CDH12: variants seen among roughly 807,000 people sequenced by gnomAD.
The protein encoded by CDH12 is cadherin 12.
CDH12 carries 41 observed loss-of-function variants against 74.1 expected under a neutral mutation model. The ratio of observed to expected loss-of-function variants is 0.55; its 90% CI spans 0.43 to 0.72. The LOEUF is 0.72. CDH12 is among the 30% of genes least tolerant of loss of function. CDH12 has a pLI of 0.00. For missense variants in CDH12, 945 were observed against 977.2 expected (o/e 0.97, Z 0.44); for synonymous variants, 399 against 355.0 (o/e 1.12, Z -1.39).
intron 4 of CDH12, among the ~76,000 whole-genome samples, chr5:22,178,362 T>G (rs1749454595): frequency 6.6e-6 from 1 of 152,160 alleles, no homozygotes; most frequent in South Asian, 2.1e-4. Flanking sequence ...GGATATCAGA[T>G]ATCCTCAAAA....
At chr5:22,576,068 G>A (rs1160824084) in intron 1 of CDH12, among the ~76,000 whole-genome samples, 1 of 152,020 alleles carries the variant, frequency 6.6e-6, no homozygotes, top group African/African-American at 2.4e-5. Flanking sequence ...ACTTCCCAGA[G>A]GCCCCCAAGG....
intron 1 of CDH12, among the ~76,000 whole-genome samples, chr5:22,819,014 A>G (rs1407875627): frequency 2.0e-5 from 3 of 152,094 alleles, no homozygotes; most frequent in Non-Finnish European, 2.9e-5. Context: ...GTAGTTCAGG[A>G]ACACTGACTG....
chr5:22,168,730 T>G (rs891468072), intron 4 of CDH12, among the ~76,000 whole-genome samples: 3 of 150,994 alleles, frequency 2.0e-5, no homozygotes, highest in African/African-American at 7.3e-5. Flanking sequence ...TCAAATACTG[T>G]TTTGAGTTAT....
intron 3 of CDH12, among the ~76,000 whole-genome samples, chr5:22,342,386 T>C (rs1739891619): frequency 6.6e-6 from 1 of 152,212 alleles, no homozygotes; most frequent in South Asian, 2.1e-4. Context: ...TATTAATACA[T>C]TATTTCTGTC....
chr5:22,117,933 T>C (rs1346916802), intron 4 of CDH12, among the ~76,000 whole-genome samples: 1 of 152,124 alleles, frequency 6.6e-6, no homozygotes, highest in Non-Finnish European at 1.5e-5. Flanking sequence ...AGTGCTATCA[T>C]TACTCCTATT....
intron 3 of CDH12, among the ~76,000 whole-genome samples, chr5:22,346,985 C>A (rs902010403): frequency 2.0e-5 from 3 of 152,156 alleles, no homozygotes; most frequent in Non-Finnish European, 2.9e-5. Context: ...TTGAGTAATA[C>A]AGAAAACCAA....
rs571801874 is a variant in CDH12, at chr5:22,440,956, T to C, written c.-427-35605A>G. Among the ~76,000 whole-genome samples the C allele has an allele frequency of 1.6e-4, 24 of 152,292 alleles. No individual in the cohort carries two copies. In the South Asian group the frequency reaches 4.6e-3, roughly 29 times the overall value. ...TAAAAGTGCCTAGAAAAATATGTTT[T>C]ATTTTGGTGGGAACAACTACATATT... is the stretch of plus-strand genomic sequence containing the variant. On this transcript the variant is annotated intron_variant, in intron 2 of 14. Transcript: ENST00000382254.
Position 22,681,487 on chromosome 5 carries a change from A to G in CDH12, c.-523+171571T>C, listed in dbSNP as rs16898022. Among the ~76,000 whole-genome samples the G allele has an allele frequency of 4.2e-3, 641 of 152,168 alleles. 17 individuals are homozygous for G. The East Asian group carries it at 0.066, about 16-fold the overall frequency. The stretch of plus-strand genomic sequence containing the variant: ...CATTGCATTGCATGCTGGGTGGAAT[A>G]AGGGCTGCAAGATCGGGATCTGTCA... On this transcript the variant is annotated intron_variant, in intron 1 of 14. Coordinates refer to ENST00000382254, the MANE Select transcript of CDH12 (RefSeq NM_004061.5).
At position 22,098,693 on chromosome 5, in the gene CDH12, C is replaced by T. The variant is rs112391327; in HGVS notation, c.-186-19831G>A. 6.6e-3 allele frequency among the ~76,000 whole-genome samples: 999 copies of T among 152,242 alleles called. 6 individuals are homozygous for T. Among genetic ancestry groups the T allele is most frequent in the African/African-American group, 0.023 (955 of 41,548 alleles). ...ATTGTTCCTGGCCCGGACTTCAATC[C>T]GGCCTCCCACATTATTCCTGATACC... is the stretch of plus-strand genomic sequence containing the variant. On this transcript the variant is annotated intron_variant, in intron 4 of 14. Coordinates refer to ENST00000382254, the MANE Select transcript of CDH12 (RefSeq NM_004061.5).
At chr5:22,068,411 AG>A (rs1056332673) in intron 5 of CDH12, among the ~76,000 whole-genome samples, 1 of 152,188 alleles carries the variant, frequency 6.6e-6, no homozygotes, top group African/African-American at 2.4e-5. Flanking sequence ...GCAGTATTAT[AG>A]GCTCTCTGGG....
intron 6 of CDH12, among the ~76,000 whole-genome samples, chr5:21,947,047 C>T (rs1388474041): frequency 6.6e-6 from 1 of 152,204 alleles, no homozygotes; most frequent in Non-Finnish European, 1.5e-5. Flanking sequence ...TAGACACACT[C>T]ATTCTCTCCT....
At chr5:22,277,871 C>T (rs2150404589) in intron 3 of CDH12, 1 of 158,008 alleles carries the variant, frequency 6.3e-6, no homozygotes, top group South Asian at 2.0e-4. Flanking sequence ...ACAAACGAAA[C>T]AATCAACTAA....
intron 3 of CDH12, among the ~76,000 whole-genome samples, chr5:22,242,474 C>G (rs920248733): frequency 1.3e-5 from 2 of 152,064 alleles, no homozygotes; most frequent in Non-Finnish European, 2.9e-5. Flanking sequence ...CATAGCCTTG[C>G]CAAAAGAACA....
intron 1 of CDH12, among the ~76,000 whole-genome samples, chr5:22,770,919 G>A (rs1001414410): frequency 6.6e-6 from 1 of 151,970 alleles, no homozygotes; most frequent in Non-Finnish European, 1.5e-5. Flanking sequence ...ATTCTGTAAG[G>A]GAAATATTTG....
At position 22,322,852 on chromosome 5, in the gene CDH12, T is replaced by C. The variant is rs1432981929; in HGVS notation, c.-333+82405A>G. Reference sequence around the variant, plus strand: ...AGCCCTTGTACAACTGCAAACTCAATTACAGCCTGAATTAATATTTTACAC... The same window carrying C: ...AGCCCTTGTACAACTGCAAACTCAACTACAGCCTGAATTAATATTTTACAC... On this transcript the variant is annotated intron_variant, in intron 3 of 14. Transcript: ENST00000382254. Among the ~76,000 whole-genome samples, 3 of 152,148 alleles carry C rather than the reference T, an allele frequency of 2.0e-5. No homozygotes were observed. In the East Asian group the frequency reaches 5.8e-4, roughly 29 times the overall value.
chr5:22,356,536 C>T (rs1213107581), intron 3 of CDH12, among the ~76,000 whole-genome samples: 1 of 151,988 alleles, frequency 6.6e-6, no homozygotes, highest in Non-Finnish European at 1.5e-5. Context: ...TTTATTAATT[C>T]CCAAAGTGAT....
At chr5:22,689,617 G>GA (rs34889855) in intron 1 of CDH12, among the ~76,000 whole-genome samples, 93,256 of 151,752 alleles carry the variant, frequency 0.61, 29,044 homozygotes, top group African/African-American at 0.69. Context: ...AGTAAAACAG[G>GA]AAAAAAAGGA....
At chr5:22,089,790 G>A (rs1743305599) in intron 4 of CDH12, among the ~76,000 whole-genome samples, 1 of 151,928 alleles carries the variant, frequency 6.6e-6, no homozygotes, top group Non-Finnish European at 1.5e-5. Context: ...ATTAAAAGGT[G>A]AAAAAGTCAA....
chr5:22,190,918 T>A, intron 4 of CDH12, among the ~76,000 whole-genome samples: 1 of 152,216 alleles, frequency 6.6e-6, no homozygotes, highest in Non-Finnish European at 1.5e-5. Context: ...TCTTTAAATG[T>A]TACTCAACTC....
Sources: gnomAD v4.1 joint callset for allele counts (sites outside exome capture counted in the v4.1 genomes callset) on GRCh38, gnomAD v4.1.1 for gene constraint, MANE v1.5 for transcripts, NCBI Gene and HGNC (gene_info 2026-07-23, HGNC 2026-07-21) for gene names.